The following AUTS2 variants were observed in gnomAD, a reference collection of about 807,000 sequenced individuals.
The protein encoded by AUTS2 is activator of transcription and developmental regulator AUTS2.
A neutral mutation model predicts 112.4 loss-of-function variants in AUTS2; 17 were observed. The observed-to-expected ratio is 0.15, with a 90% CI of 0.10 to 0.23. The LOEUF (loss-of-function observed/expected upper bound fraction) is 0.23. Ranked by LOEUF, AUTS2 falls within the 10% of genes least tolerant of loss-of-function variation. AUTS2 has a pLI of 1.00. For missense variants in AUTS2, 1,510 were observed against 1,701.6 expected, an observed-to-expected ratio of 0.89 and a Z score of 1.98; for synonymous variants, 751 against 702.7, an observed-to-expected ratio of 1.07 and a Z score of -1.09.
At chr7:70,222,706 G>A (rs1811549495) in intron 4 of AUTS2, among the ~76,000 whole-genome samples, 1 of 151,642 alleles carries the variant, frequency 6.6e-6, no homozygotes, top group Non-Finnish European at 1.5e-5. Context: ...TCAAGGTTCT[G>A]CTACTGCTTT....
intron 1 of AUTS2, among the ~76,000 whole-genome samples, chr7:69,760,040 G>A (rs1183604137): frequency 6.6e-6 from 1 of 150,804 alleles, no homozygotes; most frequent in East Asian, 1.9e-4. Flanking sequence ...TTTTTTCCAC[G>A]AACTTGCTAA....
chr7:70,522,376 AT>A (rs1430515164), intron 5 of AUTS2, among the ~76,000 whole-genome samples: 1 of 152,130 alleles, frequency 6.6e-6, no homozygotes, highest in East Asian at 1.9e-4. Flanking sequence ...TGATGCTGAG[AT>A]TTGAGGCATG....
intron 2 of AUTS2, among the ~76,000 whole-genome samples, chr7:69,930,532 A>C (rs1449775112): frequency 7.1e-6 from 1 of 140,464 alleles, no homozygotes; most frequent in Non-Finnish European, 1.6e-5. Flanking sequence ...TAGTTACTTC[A>C]TGTCTGGTAT....
At chr7:70,598,851 A>T (rs951474170) in intron 5 of AUTS2, among the ~76,000 whole-genome samples, 1 of 152,254 alleles carries the variant, frequency 6.6e-6, no homozygotes, top group Non-Finnish European at 1.5e-5. Flanking sequence ...ACAGATAGAA[A>T]AACTGAGTTA....
chr7:70,642,872 G>A (rs1055778448), intron 5 of AUTS2, among the ~76,000 whole-genome samples: 2 of 152,146 alleles, frequency 1.3e-5, no homozygotes, highest in Non-Finnish European at 2.9e-5. Context: ...CACAGCAACT[G>A]GCTTTGCCTC....
intron 6 of AUTS2, among the ~76,000 whole-genome samples, chr7:70,714,211 CTAATT>C (rs767477766): frequency 7.9e-5 from 12 of 152,150 alleles, no homozygotes; most frequent in Admixed American, 2.0e-4. Context: ...ATTTTCAACT[CTAATT>C]CAATATAGAA....
intron 4 of AUTS2, among the ~76,000 whole-genome samples, chr7:70,349,079 CACT>C (rs1254377363): frequency 6.6e-6 from 1 of 152,172 alleles, no homozygotes; most frequent in African/African-American, 2.4e-5. Context: ...ATGAAGTAGA[CACT>C]ACTACTACTA....
rs117424890 is a variant in AUTS2, at chr7:69,955,830, G to A, written c.522+56332G>A. 7.4e-3 allele frequency among the ~76,000 whole-genome samples: 1,132 copies of A among 152,164 alleles called. 13 individuals are homozygous for A. The highest frequency in any genetic ancestry group is 0.053 in the East Asian group (271 of 5,160). On this transcript the variant is annotated intron_variant, in intron 2 of 18. Coordinates refer to ENST00000342771, the MANE Select transcript of AUTS2 (RefSeq NM_015570.4). ...TCCCTAGCTCGACACACACATTCAG[G>A]TGCATCTGCCATACAGTGTCATTTT...
Position 70,112,632 on chromosome 7 carries a change from G to A in AUTS2, c.523-5500G>A, listed in dbSNP as rs143630151. On this transcript the variant is annotated intron_variant, in intron 2 of 18. Coordinates refer to ENST00000342771, the MANE Select transcript of AUTS2 (RefSeq NM_015570.4). The stretch of plus-strand genomic sequence containing the variant: ...TTTATAACTTAGAAGGGTATAAAAG[G>A]TAAAGACTGTACCTTTCATCACTAT... Among the ~76,000 whole-genome samples, 340 of 152,000 alleles carry A rather than the reference G, an allele frequency of 2.2e-3. 1 individual carries two copies. The highest frequency in any genetic ancestry group is 7.5e-3 in the African/African-American group (312 of 41,516).
chr7:70,534,936 G>T (rs1800253648), intron 5 of AUTS2, among the ~76,000 whole-genome samples: 1 of 151,474 alleles, frequency 6.6e-6, no homozygotes, highest in Admixed American at 6.6e-5. Flanking sequence ...TTTTGTAATT[G>T]TAGGAGGCCT....
At chr7:69,605,970 G>A (rs995584920) in intron 1 of AUTS2, among the ~76,000 whole-genome samples, 8 of 152,178 alleles carry the variant, frequency 5.3e-5, no homozygotes, top group Admixed American at 6.5e-5. Context: ...GAGTATTTAT[G>A]TGAGATGTGG....
Position 69,636,485 on chromosome 7 carries a change from C to CCG in AUTS2, c.309+36524_309+36525insGC, listed in dbSNP as rs1554337478. The stretch of plus-strand genomic sequence containing the variant: ...CCTGACCTCAAGTGATCCGCGCCCC[C>CCG]CCCCCCCCTTGGCCTCCCAAAGTGC... On this transcript the variant is annotated intron_variant, in intron 1 of 18. Coordinates refer to ENST00000342771, the MANE Select transcript of AUTS2 (RefSeq NM_015570.4). 7.7e-5 allele frequency among the ~76,000 whole-genome samples: 6 copies of CCG among 78,188 alleles called. 2 individuals carry two copies. The highest frequency in any genetic ancestry group is 2.4e-4 in the African/African-American group (5 of 20,694). 51.3% of individuals were successfully genotyped at this position (78,188 alleles called of 152,430 possible). A position where few individuals can be genotyped will look rare whatever the true frequency, so the allele number is the denominator to read the frequency against.
chr7:69,882,709 A>G (rs918322219), intron 1 of AUTS2, among the ~76,000 whole-genome samples: 5 of 152,234 alleles, frequency 3.3e-5, no homozygotes, highest in Admixed American at 6.5e-5. Context: ...TCCATTTTAT[A>G]TATGAGAAAA....
chr7:70,557,829 T>C (rs900197732), intron 5 of AUTS2, among the ~76,000 whole-genome samples: 1 of 152,220 alleles, frequency 6.6e-6, no homozygotes, highest in African/African-American at 2.4e-5. Context: ...GAGGCAACGA[T>C]AGGATGACTC....
intron 1 of AUTS2, among the ~76,000 whole-genome samples, chr7:69,649,684 A>G (rs548417850): frequency 6.6e-6 from 1 of 152,120 alleles, no homozygotes; most frequent in East Asian, 1.9e-4. Context: ...AGGGCTGTCT[A>G]GTGGAGGATA....
At chr7:70,548,676 G>A (rs1800891855) in intron 5 of AUTS2, among the ~76,000 whole-genome samples, 1 of 152,144 alleles carries the variant, frequency 6.6e-6, no homozygotes, top group Non-Finnish European at 1.5e-5. Context: ...CCCTTGAAAT[G>A]CATTGCCACT....
intron 3 of AUTS2, among the ~76,000 whole-genome samples, chr7:70,124,292 C>G (rs1177784772): frequency 6.6e-6 from 1 of 152,046 alleles, no homozygotes; most frequent in African/African-American, 2.4e-5. Context: ...TATTTTTCTC[C>G]CATTCTGTAG....
Position 70,693,657 on chromosome 7 carries a change from A to T in AUTS2, c.691-4912A>T, listed in dbSNP as rs372000023. Reference sequence around the variant, plus strand: ...CTACTATGTGCCAGGCCTTTTACATACATGACTTTACCACTGAGCCCTCAC... The same window carrying T: ...CTACTATGTGCCAGGCCTTTTACATTCATGACTTTACCACTGAGCCCTCAC... On this transcript the variant is annotated intron_variant, in intron 5 of 18. Transcript: ENST00000342771. Among the ~76,000 whole-genome samples the T allele has an allele frequency of 4.6e-4, 70 of 152,370 alleles. 3 individuals carry two copies. In the South Asian group the frequency reaches 0.011, roughly 24 times the overall value.
intron 1 of AUTS2, among the ~76,000 whole-genome samples, chr7:69,688,280 T>G (rs1370111318): frequency 2.0e-5 from 3 of 152,170 alleles, no homozygotes; most frequent in Non-Finnish European, 2.9e-5. Flanking sequence ...ATTATCAGTG[T>G]GTGGGGCCTC....
Sources: gnomAD v4.1 joint callset for allele counts (sites outside exome capture counted in the v4.1 genomes callset) on GRCh38, gnomAD v4.1.1 for gene constraint, MANE v1.5 for transcripts, NCBI Gene and HGNC (gene_info 2026-07-23, HGNC 2026-07-21) for gene names.